The following EPHA6 variants were observed in gnomAD, a reference collection of about 807,000 sequenced individuals.
The protein encoded by EPHA6 is ephrin type-A receptor 6.
Under a neutral mutation model 112.0 loss-of-function variants are expected in EPHA6, and 50 were observed. That is an observed-to-expected ratio of 0.45 (90% CI 0.36 to 0.56). The LOEUF is 0.56. Among genes scored for constraint, EPHA6 ranks in the 20% least tolerant of loss-of-function variants. The pLI is 0.00. For synonymous variants in EPHA6, 529 were observed against 490.7 expected (o/e 1.08, Z -1.03); for missense variants, 1,280 against 1,417.4 (o/e 0.90, Z 1.56).
At chr3:97,688,722 A>AT (rs1415520877) in intron 14 of EPHA6, among the ~76,000 whole-genome samples, 1 of 148,240 alleles carries the variant, frequency 6.7e-6, no homozygotes, top group Non-Finnish European at 1.5e-5. Flanking sequence ...TTAAAGTATA[A>AT]TAAAAAAAAA....
At chr3:97,239,007 A>G (rs1345844508) in intron 4 of EPHA6, among the ~76,000 whole-genome samples, 1 of 151,972 alleles carries the variant, frequency 6.6e-6, no homozygotes, top group African/African-American at 2.4e-5. Flanking sequence ...CTAAATCCTG[A>G]TTGATGGGAC....
chr3:97,563,192 G>T (rs1014662429), intron 11 of EPHA6, among the ~76,000 whole-genome samples: 1 of 152,112 alleles, frequency 6.6e-6, no homozygotes, highest in African/African-American at 2.4e-5. Context: ...GAAAAACAAA[G>T]AAGTATAAAG....
intron 15 of EPHA6, among the ~76,000 whole-genome samples, chr3:97,733,447 T>A (rs373048533): frequency 6.9e-4 from 105 of 152,216 alleles, no homozygotes; most frequent in African/African-American, 2.3e-3. Context: ...GCTTATACTT[T>A]GAATCTATTT....
At chr3:97,650,457 A>G (rs1439583323) in intron 14 of EPHA6, among the ~76,000 whole-genome samples, 1 of 152,136 alleles carries the variant, frequency 6.6e-6, no homozygotes, top group Non-Finnish European at 1.5e-5. Flanking sequence ...CGGTCATTAC[A>G]GAGTGATTTT....
chr3:97,573,745 G>A (rs908041423), intron 11 of EPHA6, among the ~76,000 whole-genome samples: 1 of 151,928 alleles, frequency 6.6e-6, no homozygotes, highest in Non-Finnish European at 1.5e-5. Flanking sequence ...GGCAGAAAAT[G>A]GAAAGGAAAA....
At chr3:96,941,458 T>G (rs950570819) in intron 2 of EPHA6, among the ~76,000 whole-genome samples, 7 of 152,240 alleles carry the variant, frequency 4.6e-5, no homozygotes, top group Non-Finnish European at 8.8e-5. Flanking sequence ...ATCAGCTCCT[T>G]TAAGCACTTC....
intron 2 of EPHA6, among the ~76,000 whole-genome samples, chr3:96,974,908 G>A (rs964617699): frequency 6.6e-6 from 1 of 152,096 alleles, no homozygotes; most frequent in Non-Finnish European, 1.5e-5. Flanking sequence ...TGAGAACAAG[G>A]CCCGGAAAGA....
At chr3:97,582,538 C>T (rs2093447949) in intron 11 of EPHA6, among the ~76,000 whole-genome samples, 1 of 152,144 alleles carries the variant, frequency 6.6e-6, no homozygotes, top group Admixed American at 6.5e-5. Context: ...GTGGACATAT[C>T]TTGCCACCAA....
intron 5 of EPHA6, among the ~76,000 whole-genome samples, chr3:97,258,651 G>A (rs979187746): frequency 6.6e-6 from 1 of 152,012 alleles, no homozygotes; most frequent in Non-Finnish European, 1.5e-5. Context: ...GAAATGACCA[G>A]TAGTTTCATC....
At chr3:97,708,764 G>T (rs2033811836) in intron 14 of EPHA6, among the ~76,000 whole-genome samples, 1 of 152,226 alleles carries the variant, frequency 6.6e-6, no homozygotes, top group Admixed American at 6.5e-5. Context: ...CTGAGGACTT[G>T]GTGCCCAGTG....
At chr3:97,121,107 T>A (rs191418657) in intron 3 of EPHA6, among the ~76,000 whole-genome samples, 1 of 152,140 alleles carries the variant, frequency 6.6e-6, no homozygotes, top group East Asian at 1.9e-4. Context: ...ATTTCTCTCT[T>A]CCCACTGTTT....
intron 5 of EPHA6, among the ~76,000 whole-genome samples, chr3:97,272,227 T>C (rs2108643042): frequency 6.6e-6 from 1 of 152,304 alleles, no homozygotes. Flanking sequence ...CATAATGTCC[T>C]CCAGGTTCAG....
chr3:96,915,694 C>T (rs2039449644), intron 2 of EPHA6, among the ~76,000 whole-genome samples: 2 of 152,048 alleles, frequency 1.3e-5, no homozygotes, highest in African/African-American at 2.4e-5. Flanking sequence ...CTATAGACCT[C>T]TCACAAGAGG....
intron 5 of EPHA6, among the ~76,000 whole-genome samples, chr3:97,306,955 C>T (rs1164156731): frequency 1.3e-5 from 2 of 150,350 alleles, no homozygotes; most frequent in Admixed American, 6.6e-5. Context: ...TTGCTGTTAC[C>T]TTATGTATTG....
intron 15 of EPHA6, among the ~76,000 whole-genome samples, chr3:97,727,472 T>G (rs145697506): frequency 6.6e-6 from 1 of 152,214 alleles, no homozygotes; most frequent in East Asian, 1.9e-4. Flanking sequence ...CAGCCAAGAA[T>G]AGTGGATATG....
chr3:97,239,300 A>T (rs557873750), intron 4 of EPHA6, among the ~76,000 whole-genome samples: 32 of 151,964 alleles, frequency 2.1e-4, no homozygotes, highest in Admixed American at 1.8e-3. Flanking sequence ...ATGTTTTGAA[A>T]ATGTGTATTT....
chr3:96,875,483 G>C (rs2036890413), intron 2 of EPHA6, among the ~76,000 whole-genome samples: 1 of 152,060 alleles, frequency 6.6e-6, no homozygotes, highest in Non-Finnish European at 1.5e-5. Flanking sequence ...TTCACTAGTT[G>C]AAAGAGCATG....
Position 97,403,540 on chromosome 3 carries a change from G to A in EPHA6, c.1607-1610G>A, listed in dbSNP as rs556600684. Among the ~76,000 whole-genome samples the A allele has an allele frequency of 2.0e-5, 3 of 152,212 alleles. No homozygotes were observed. The East Asian group carries it at 5.8e-4, about 29-fold the overall frequency. On this transcript the variant is annotated intron_variant, in intron 5 of 17. Transcript: ENST00000389672. The stretch of plus-strand genomic sequence containing the variant: ...CCGCTCACTGCAAACTCCGCCTCCC[G>A]GGTTCACGCCATTCTCCTGCCTCAG...
intron 3 of EPHA6, among the ~76,000 whole-genome samples, chr3:97,012,229 A>G (rs2044112039): frequency 6.6e-6 from 1 of 152,078 alleles, no homozygotes; most frequent in Non-Finnish European, 1.5e-5. Flanking sequence ...TGAGAAACCT[A>G]CAAACTGCTT....
Sources: gnomAD v4.1 joint callset for allele counts (sites outside exome capture counted in the v4.1 genomes callset) on GRCh38, gnomAD v4.1.1 for gene constraint, MANE v1.5 for transcripts, NCBI Gene and HGNC (gene_info 2026-07-23, HGNC 2026-07-21) for gene names.